FBXO15: variants seen among roughly 807,000 people sequenced by gnomAD.
FBXO15 encodes F-box only protein 15.
FBXO15 carries 30 observed loss-of-function variants against 49.5 expected under a neutral mutation model. The observed-to-expected ratio is 0.61, with a 90% CI of 0.45 to 0.82. The LOEUF (loss-of-function observed/expected upper bound fraction) is 0.82, where lower values mean the gene tolerates loss of function less well. Ranked by LOEUF, FBXO15 falls within the 40% of genes least tolerant of loss-of-function variation. FBXO15 has a pLI of 0.00. For missense variants in FBXO15, 591 were observed against 631.5 expected (o/e 0.94, Z 0.69); for synonymous variants, 250 against 232.7 (o/e 1.07, Z -0.68).
chr18:74,129,834 T>C (rs180795479), intron 4 of FBXO15, among the ~76,000 whole-genome samples: 6 of 152,218 alleles, frequency 3.9e-5, no homozygotes, highest in African/African-American at 1.4e-4. Flanking sequence ...TTCCAGGTAC[T>C]GGCAATATAT....
intron 8 of FBXO15, among the ~76,000 whole-genome samples, chr18:74,119,536 G>A (rs988624364): frequency 6.6e-6 from 1 of 152,118 alleles, no homozygotes; most frequent in Non-Finnish European, 1.5e-5. Context: ...GGAGAGTGAG[G>A]GCTTCTAGGT....
intron 8 of FBXO15, among the ~76,000 whole-genome samples, chr18:74,089,716 C>T (rs1182655688): frequency 6.6e-6 from 1 of 152,148 alleles, no homozygotes; most frequent in Non-Finnish European, 1.5e-5. Flanking sequence ...TTATGAGTCA[C>T]ATTTATCGAT....
chr18:74,136,219 T>C (rs1350081722), intron 2 of FBXO15, among the ~76,000 whole-genome samples: 2 of 152,188 alleles, frequency 1.3e-5, no homozygotes, highest in Admixed American at 6.5e-5. Context: ...TCTTGCTCTG[T>C]TACTCAGGCT....
chr18:74,102,580 T>A (rs1913570862), intron 8 of FBXO15, among the ~76,000 whole-genome samples: 1 of 152,130 alleles, frequency 6.6e-6, no homozygotes, highest in South Asian at 2.1e-4. Flanking sequence ...GAACTACCAT[T>A]TGATCCAGCA....
At chr18:74,143,884 T>C (rs1409684384) in intron 1 of FBXO15, among the ~76,000 whole-genome samples, 2 of 152,202 alleles carry the variant, frequency 1.3e-5, no homozygotes. Flanking sequence ...CCTTTCTCTG[T>C]TTCTCTCCTT....
intron 7 of FBXO15, 57 bp from the exon 8 acceptor site, chr18:74,123,567 T>G (rs1914564586): frequency 9.6e-6 from 15 of 1,556,086 alleles, no homozygotes; most frequent in African/African-American, 2.8e-5. Flanking sequence ...ATAAAATTCT[T>G]GGTTTGAAAA....
chr18:74,122,897 C>T (rs1379353398), intron 8 of FBXO15: 1 of 152,688 alleles, frequency 6.5e-6, no homozygotes, highest in Admixed American at 6.5e-5. Flanking sequence ...GGCGTAAGCT[C>T]CCTCCTTTCC....
At chr18:74,096,721 T>C (rs1004575129) in intron 8 of FBXO15, among the ~76,000 whole-genome samples, 5 of 151,172 alleles carry the variant, frequency 3.3e-5, no homozygotes, top group Admixed American at 3.3e-4. Context: ...ATATGTGAGC[T>C]TTCTGACCAA....
intron 8 of FBXO15, among the ~76,000 whole-genome samples, chr18:74,112,617 C>T (rs1914078056): frequency 6.6e-6 from 1 of 152,186 alleles, no homozygotes; most frequent in Non-Finnish European, 1.5e-5. Context: ...AGGATGACTC[C>T]TCTCATCAGT....
At chr18:74,106,802 CATG>C (rs1482459588) in intron 8 of FBXO15, among the ~76,000 whole-genome samples, 2 of 152,046 alleles carry the variant, frequency 1.3e-5, no homozygotes, top group Non-Finnish European at 2.9e-5. Context: ...AAATAATGGT[CATG>C]ATAACAGTGC....
intron 8 of FBXO15, among the ~76,000 whole-genome samples, chr18:74,088,211 G>T (rs981574084): frequency 6.6e-6 from 1 of 152,102 alleles, no homozygotes; most frequent in Non-Finnish European, 1.5e-5. Flanking sequence ...TTTAAAGTAA[G>T]TCCCATTTGT....
chr18:74,135,835 A>C lies in FBXO15; in HGVS notation c.259T>G (p.Ser87Ala). ...AGAAGGCTCACAGCATCCAAGTAGG[A>C]AAATATCTTCAGCAAGATTTCTGAA... is the stretch of plus-strand genomic sequence containing the variant. The part of the protein sequence containing the change: ...MPSEILLKIF[S>A]YLDAVSLLCT... The change falls in exon 3 of 10, where the codon TCC becomes GCC. Residue 87 changes from serine to alanine, a missense_variant. Coordinates refer to ENST00000419743, the MANE Select transcript of FBXO15 (RefSeq NM_001142958.2). 6.2e-7 allele frequency: 1 copy of C among 1,612,328 alleles called. No homozygotes were observed. Among genetic ancestry groups the C allele is most frequent in the Non-Finnish European group, 8.5e-7 (1 of 1,179,610 alleles).
intron 8 of FBXO15, among the ~76,000 whole-genome samples, chr18:74,085,839 T>C (rs1371896561): frequency 1.3e-5 from 2 of 151,886 alleles, no homozygotes; most frequent in Admixed American, 6.6e-5. Flanking sequence ...ACCATAACAA[T>C]GGTAGGAAAA....
At chr18:74,084,657 A>G (rs1912662117) in intron 8 of FBXO15, among the ~76,000 whole-genome samples, 1 of 152,180 alleles carries the variant, frequency 6.6e-6, no homozygotes, top group Non-Finnish European at 1.5e-5. Flanking sequence ...ACTTACCAAT[A>G]CACAAGACCA....
chr18:74,147,425 G>C, intron 1 of FBXO15: 2 of 1,079,324 alleles, frequency 1.9e-6, no homozygotes, highest in Non-Finnish European at 2.3e-6. Context: ...GCGCATCCCC[G>C]GCCACAGGCG....
chr18:74,088,334 G>C (rs932644087), intron 8 of FBXO15, among the ~76,000 whole-genome samples: 2 of 152,082 alleles, frequency 1.3e-5, no homozygotes, highest in Non-Finnish European at 2.9e-5. Flanking sequence ...TATAGTTTTA[G>C]GTTTTACATT....
At chr18:74,092,697 A>T (rs973203786) in intron 8 of FBXO15, among the ~76,000 whole-genome samples, 1 of 152,160 alleles carries the variant, frequency 6.6e-6, no homozygotes, top group Non-Finnish European at 1.5e-5. Context: ...TGGAAGACTG[A>T]TATCATGACC....
In FBXO15 at chr18:74,140,188, C is replaced by T. The variant is rs1296183352; in HGVS notation, c.227+14G>A. On this transcript the variant is annotated intron_variant, in intron 2 of 9. Coordinates refer to ENST00000419743, the MANE Select transcript of FBXO15 (RefSeq NM_001142958.2). ...AGAGGCCCCCAAAAGTGACAGTCTACTTCTGCTACTTACCCATCCAGGAAC... is the reference window on the plus strand; with the variant it reads ...AGAGGCCCCCAAAAGTGACAGTCTATTTCTGCTACTTACCCATCCAGGAAC... 6.5e-7 allele frequency: 1 copy of T among 1,548,390 alleles called. No individual in the cohort carries two copies. Among genetic ancestry groups the T allele is most frequent in the Non-Finnish European group, 8.7e-7 (1 of 1,144,974 alleles).
intron 8 of FBXO15, among the ~76,000 whole-genome samples, chr18:74,093,490 G>T (rs891809682): frequency 6.6e-6 from 1 of 152,176 alleles, no homozygotes; most frequent in Non-Finnish European, 1.5e-5. Flanking sequence ...GGGGCCCTGG[G>T]AGAGGCCAGC....
Sources: gnomAD v4.1 joint callset for allele counts (sites outside exome capture counted in the v4.1 genomes callset) on GRCh38, gnomAD v4.1.1 for gene constraint, MANE v1.5 for transcripts, NCBI Gene and HGNC (gene_info 2026-07-23, HGNC 2026-07-21) for gene names.